DLG2: variants seen among roughly 807,000 people sequenced by gnomAD.
The protein encoded by DLG2 is disks large homolog 2.
DLG2 carries 45 observed loss-of-function variants against 132.5 expected under a neutral mutation model. The observed-to-expected ratio is 0.34, with a 90% CI of 0.27 to 0.44. The LOEUF is 0.44. Among genes scored for constraint, DLG2 ranks in the 20% least tolerant of loss-of-function variants. The probability of loss-of-function intolerance (pLI) is 1.00; values close to 1 mark genes in which losing one functional copy is unlikely to be tolerated. For synonymous variants in DLG2, 424 were observed against 419.6 expected (o/e 1.01, Z -0.13); for missense variants, 1,045 against 1,196.9 (o/e 0.87, Z 1.87).
intron 11 of DLG2, among the ~76,000 whole-genome samples, chr11:84,045,834 A>G (rs1348543524): frequency 6.6e-6 from 1 of 151,646 alleles, no homozygotes; most frequent in African/African-American, 2.4e-5. Context: ...AATCTAAAGG[A>G]AAGAGTCCTG....
intron 3 of DLG2, among the ~76,000 whole-genome samples, chr11:85,468,545 A>G (rs1479744398): frequency 6.6e-6 from 1 of 152,106 alleles, no homozygotes; most frequent in Non-Finnish European, 1.5e-5. Flanking sequence ...GATCATCTTT[A>G]TTTCTGCCTT....
intron 3 of DLG2, among the ~76,000 whole-genome samples, chr11:85,473,094 G>A (rs1437518713): frequency 6.6e-6 from 1 of 152,214 alleles, no homozygotes. Context: ...AGTACGTCTG[G>A]TCTAGCTGCA....
At chr11:84,140,639 G>A (rs2094802342) in intron 9 of DLG2, among the ~76,000 whole-genome samples, 1 of 152,102 alleles carries the variant, frequency 6.6e-6, no homozygotes, top group South Asian at 2.1e-4. Context: ...CAGATGAGCA[G>A]GGAGAAGTAT....
chr11:84,813,994 C>T (rs1445524278), intron 6 of DLG2, among the ~76,000 whole-genome samples: 1 of 152,108 alleles, frequency 6.6e-6, no homozygotes, highest in African/African-American at 2.4e-5. Flanking sequence ...CTTGTTTCTA[C>T]ACTATATTCC....
chr11:83,745,706 A>C (rs1176606973), intron 18 of DLG2, among the ~76,000 whole-genome samples: 1 of 151,966 alleles, frequency 6.6e-6, no homozygotes, highest in African/African-American at 2.4e-5. Flanking sequence ...GGATGCTGAG[A>C]TAGGAGAACT....
intron 6 of DLG2, among the ~76,000 whole-genome samples, chr11:84,978,157 G>A (rs573652516): frequency 6.6e-6 from 1 of 152,178 alleles, no homozygotes; most frequent in South Asian, 2.1e-4. Flanking sequence ...GACTTCCAGA[G>A]AAATCATTTA....
At chr11:85,108,085 C>A (rs761638035) in intron 6 of DLG2, among the ~76,000 whole-genome samples, 1 of 151,720 alleles carries the variant, frequency 6.6e-6, no homozygotes, top group Non-Finnish European at 1.5e-5. Context: ...CAATATGTAA[C>A]TGGTGACAGA....
intron 6 of DLG2, among the ~76,000 whole-genome samples, chr11:84,729,146 T>C (rs2062851764): frequency 6.6e-6 from 1 of 152,172 alleles, no homozygotes; most frequent in Admixed American, 6.5e-5. Flanking sequence ...ATTTGTTTGC[T>C]GTTGCTTTTT....
At chr11:84,132,279 A>G (rs1259040596) in intron 9 of DLG2, among the ~76,000 whole-genome samples, 1 of 152,026 alleles carries the variant, frequency 6.6e-6, no homozygotes, top group Non-Finnish European at 1.5e-5. Flanking sequence ...ACTGGGGCAA[A>G]GCAGATTCAT....
chr11:85,335,773 C>T (rs1240191277), intron 3 of DLG2, among the ~76,000 whole-genome samples: 1 of 151,064 alleles, frequency 6.6e-6, no homozygotes, highest in African/African-American at 2.4e-5. Flanking sequence ...GGGCGGAGGG[C>T]ATCACACACC....
intron 6 of DLG2, among the ~76,000 whole-genome samples, chr11:84,625,425 A>T (rs2099621010): frequency 6.6e-6 from 1 of 152,188 alleles, no homozygotes; most frequent in African/African-American, 2.4e-5. Context: ...CAAGACTGGG[A>T]TAATTATGTT....
intron 7 of DLG2, among the ~76,000 whole-genome samples, chr11:84,355,488 G>C (rs941788292): frequency 3.9e-5 from 6 of 152,056 alleles, no homozygotes; most frequent in Non-Finnish European, 8.8e-5. Flanking sequence ...ACAGCAAGAA[G>C]GTGCTCAAGG....
Position 84,642,019 on chromosome 11 carries a change from T to TAC in DLG2, c.358-107290_358-107289dup, listed in dbSNP as rs527784950. Among the ~76,000 whole-genome samples, 696 of 140,924 alleles carry TAC rather than the reference T, an allele frequency of 4.9e-3. 5 individuals carry two copies. The highest frequency in any genetic ancestry group is 0.017 in the African/African-American group (605 of 36,482). 92.5% of individuals were successfully genotyped at this position (140,924 alleles called of 152,430 possible). On this transcript the variant is annotated intron_variant, in intron 6 of 27. Transcript: ENST00000376104. ...TGTGGATATGTTTTATATATATATA[T>TAC]ACACACACACACACATGCATACGTA...
intron 6 of DLG2, among the ~76,000 whole-genome samples, chr11:84,811,359 A>T (rs1044972731): frequency 1.3e-5 from 2 of 152,166 alleles, no homozygotes; most frequent in African/African-American, 4.8e-5. Flanking sequence ...GTGCACACAC[A>T]GTAGGGGAGT....
chr11:83,816,129 T>C (rs991137978), intron 17 of DLG2, among the ~76,000 whole-genome samples: 2 of 152,138 alleles, frequency 1.3e-5, no homozygotes, highest in Non-Finnish European at 2.9e-5. Context: ...TTTATAAAAA[T>C]GCAGCAACTA....
intron 16 of DLG2, among the ~76,000 whole-genome samples, chr11:83,841,461 T>A (rs1276961594): frequency 2.0e-5 from 3 of 152,202 alleles, no homozygotes; most frequent in African/African-American, 7.2e-5. Context: ...CCTGATACTC[T>A]CCTTAGTCTC....
At chr11:85,242,183 G>A (rs2075914254) in intron 4 of DLG2, among the ~76,000 whole-genome samples, 1 of 151,832 alleles carries the variant, frequency 6.6e-6, no homozygotes. Context: ...TCAATTCAAA[G>A]CCTTTTTCCT....
chr11:84,810,110 A>C (rs1029432677), intron 6 of DLG2, among the ~76,000 whole-genome samples: 3 of 152,106 alleles, frequency 2.0e-5, no homozygotes, highest in Admixed American at 2.0e-4. Context: ...AAAACTGATA[A>C]ACTGGATTTA....
chr11:85,401,729 C>G (rs1224000005), intron 3 of DLG2, among the ~76,000 whole-genome samples: 1 of 152,084 alleles, frequency 6.6e-6, no homozygotes, highest in African/African-American at 2.4e-5. Flanking sequence ...TGAGTGAACT[C>G]CCATTCACAA....
Sources: gnomAD v4.1 joint callset for allele counts (sites outside exome capture counted in the v4.1 genomes callset) on GRCh38, gnomAD v4.1.1 for gene constraint, MANE v1.5 for transcripts, NCBI Gene and HGNC (gene_info 2026-07-23, HGNC 2026-07-21) for gene names.